MECOM: variants seen among roughly 807,000 people sequenced by gnomAD.
MECOM encodes MDS1 and EVI1 complex locus.
Under a neutral mutation model 116.3 loss-of-function variants are expected in MECOM, and 13 were observed. The ratio of observed to expected loss-of-function variants is 0.11; its 90% CI spans 0.07 to 0.18. MECOM has a LOEUF of 0.18. Ranked by LOEUF, MECOM falls within the 10% of genes least tolerant of loss-of-function variation. The pLI is 1.00. For missense variants in MECOM, 1,299 were observed against 1,509.0 expected (o/e 0.86, Z 2.31); for synonymous variants, 528 against 535.2 (o/e 0.99, Z 0.19).
intron 1 of MECOM, among the ~76,000 whole-genome samples, chr3:169,573,795 A>T (rs976351735): frequency 1.3e-5 from 2 of 152,252 alleles, no homozygotes; most frequent in African/African-American, 4.8e-5. Flanking sequence ...GAAGATTTTT[A>T]AATTTCCTTC....
intron 1 of MECOM, among the ~76,000 whole-genome samples, chr3:169,641,961 C>T (rs1056353988): frequency 6.6e-6 from 1 of 152,170 alleles, no homozygotes; most frequent in Non-Finnish European, 1.5e-5. Context: ...TGGAATTAAG[C>T]TCTCTTTTAA....
chr3:169,526,552 G>A (rs1757986761), intron 1 of MECOM, among the ~76,000 whole-genome samples: 1 of 152,146 alleles, frequency 6.6e-6, no homozygotes, highest in African/African-American at 2.4e-5. Flanking sequence ...GTGAAATAGT[G>A]TCAGCAGAAC....
At chr3:169,289,684 C>T (rs1249803207) in intron 2 of MECOM, among the ~76,000 whole-genome samples, 1 of 152,138 alleles carries the variant, frequency 6.6e-6, no homozygotes, top group East Asian at 1.9e-4. Flanking sequence ...AAATGATTAC[C>T]ACTTGGCTAA....
intron 2 of MECOM, among the ~76,000 whole-genome samples, chr3:169,189,429 T>G (rs1747223251): frequency 6.6e-6 from 1 of 152,024 alleles, no homozygotes; most frequent in African/African-American, 2.4e-5. Flanking sequence ...TTTGGGGCTC[T>G]GCTGTAGCTT....
chr3:169,180,793 T>TTATA lies in MECOM; in HGVS notation c.376-36962_376-36961insTATA, dbSNP rs1415631608. Among the ~76,000 whole-genome samples, 57 of 71,170 alleles carry TTATA rather than the reference T, an allele frequency of 8.0e-4. 6 individuals are homozygous for TTATA. Among genetic ancestry groups the TTATA allele is most frequent in the East Asian group, 1.1e-3 (2 of 1,764 alleles). 46.7% of individuals were successfully genotyped at this position (71,170 alleles called of 152,430 possible). ...TTATGTATGTGTGTGTGTGTGGAGA[T>TTATA]GATATATATATATATATATATCAGG... On this transcript the variant is annotated intron_variant, in intron 2 of 16. Coordinates refer to ENST00000651503, the MANE Select transcript of MECOM (RefSeq NM_004991.4).
intron 1 of MECOM, among the ~76,000 whole-genome samples, chr3:169,436,288 T>C (rs1000170780): frequency 6.7e-6 from 1 of 149,748 alleles, no homozygotes; most frequent in Non-Finnish European, 1.5e-5. Context: ...TTCGCTCTTG[T>C]TGCCCAGGCT....
intron 2 of MECOM, among the ~76,000 whole-genome samples, chr3:169,326,579 T>C (rs1032706693): frequency 2.0e-5 from 3 of 152,196 alleles, no homozygotes; most frequent in Non-Finnish European, 4.4e-5. Flanking sequence ...CTCCTTTTGC[T>C]TCCCACAGAA....
intron 1 of MECOM, among the ~76,000 whole-genome samples, chr3:169,624,633 ACACT>A (rs1049395227): frequency 6.6e-5 from 10 of 152,072 alleles, no homozygotes; most frequent in Non-Finnish European, 1.0e-4. Context: ...ATGCTGAAAA[ACACT>A]CCCACTCAAC....
chr3:169,630,224 A>G (rs1771917985), intron 1 of MECOM, among the ~76,000 whole-genome samples: 1 of 152,106 alleles, frequency 6.6e-6, no homozygotes, highest in African/African-American at 2.4e-5. Context: ...GAACAATATC[A>G]TCTCTGCTAA....
chr3:169,478,141 AAG>A (rs1358127121), intron 1 of MECOM, among the ~76,000 whole-genome samples: 3 of 152,192 alleles, frequency 2.0e-5, no homozygotes, highest in African/African-American at 4.8e-5. Context: ...GCATCTGACA[AAG>A]AGAGACATCC....
intron 2 of MECOM, among the ~76,000 whole-genome samples, chr3:169,175,401 T>G (rs1439049017): frequency 6.6e-6 from 1 of 152,296 alleles, no homozygotes; most frequent in South Asian, 2.1e-4. Context: ...GCAAACTTTG[T>G]TTCATGCACA....
At chr3:169,184,115 C>T (rs756631034) in intron 2 of MECOM, among the ~76,000 whole-genome samples, 4 of 152,086 alleles carry the variant, frequency 2.6e-5, no homozygotes, top group Non-Finnish European at 5.9e-5. Context: ...CCACCTGCCT[C>T]GGCCTCCCAA....
chr3:169,348,901 G>T (rs1725818055), intron 2 of MECOM, among the ~76,000 whole-genome samples: 1 of 151,848 alleles, frequency 6.6e-6, no homozygotes, highest in African/African-American at 2.4e-5. Flanking sequence ...TCATATTTGG[G>T]TACTTTTATT....
chr3:169,604,359 C>G (rs1268244259), intron 1 of MECOM, among the ~76,000 whole-genome samples: 1 of 152,020 alleles, frequency 6.6e-6, no homozygotes, highest in Non-Finnish European at 1.5e-5. Context: ...TTGAAAACCA[C>G]CAATTTAGTT....
chr3:169,400,976 G>A (rs571093279), intron 1 of MECOM, among the ~76,000 whole-genome samples: 1 of 152,284 alleles, frequency 6.6e-6, no homozygotes, highest in South Asian at 2.1e-4. Flanking sequence ...CCCAGTAATG[G>A]TTCAGATGGA....
intron 1 of MECOM, among the ~76,000 whole-genome samples, chr3:169,649,409 C>CAAAA (rs71634436): frequency 0.052 from 3,888 of 74,396 alleles, 587 homozygotes; most frequent in African/African-American, 0.21. Flanking sequence ...AACTCCATCT[C>CAAAA]AAAAAAAAAA....
At position 169,663,527 on chromosome 3, in the gene MECOM, T is replaced by TCTCC. The variant is rs1347304285; in HGVS notation, c.-159_-156dup. ...CTCTCTCTCTCTCTCTCTCTCTCTC[T>TCTCC]CTCCCTCCCTCCTGTTTCTCTCCTG... On this transcript the variant is annotated 5_prime_UTR_variant, in exon 1 of 17. Coordinates refer to ENST00000651503, the MANE Select transcript of MECOM (RefSeq NM_004991.4). The TCTCC allele has an allele frequency of 6.3e-4, 329 of 523,738 alleles. 1 individual carries two copies. Among genetic ancestry groups the TCTCC allele is most frequent in the Admixed American group, 2.1e-3 (60 of 28,364 alleles). The allele number at this position is 523,738 out of a possible 1,614,324, so 32.4% of individuals were successfully genotyped here.
chr3:169,096,579 C>T (rs1004470002), intron 12 of MECOM, among the ~76,000 whole-genome samples: 2 of 152,096 alleles, frequency 1.3e-5, no homozygotes, highest in Non-Finnish European at 2.9e-5. Flanking sequence ...CTCCAAATGA[C>T]TTATAAATGA....
chr3:169,372,618 A>G (rs181537317), intron 2 of MECOM, among the ~76,000 whole-genome samples: 1 of 152,010 alleles, frequency 6.6e-6, no homozygotes, highest in Non-Finnish European at 1.5e-5. Context: ...TATAAAAATC[A>G]ATCGATAAAA....
Sources: gnomAD v4.1 joint callset for allele counts (sites outside exome capture counted in the v4.1 genomes callset) on GRCh38, gnomAD v4.1.1 for gene constraint, MANE v1.5 for transcripts, NCBI Gene and HGNC (gene_info 2026-07-23, HGNC 2026-07-21) for gene names.